CD82: variants seen among roughly 807,000 people sequenced by gnomAD.
The protein encoded by CD82 is CD82 antigen.
Under a neutral mutation model 37.4 loss-of-function variants are expected in CD82, and 36 were observed. The observed-to-expected ratio is 0.96, with a 90% CI of 0.74 to 1.27. CD82 has a LOEUF of 1.27. CD82 is among the 50% of genes most tolerant of loss of function. CD82 has a pLI of 0.00. For synonymous variants in CD82, 158 were observed against 137.4 expected (o/e 1.15, Z -1.05); for missense variants, 340 against 347.0 (o/e 0.98, Z 0.16).
At chr11:44,586,684 A>G (rs1350659890) in intron 1 of CD82, among the ~76,000 whole-genome samples, 1 of 152,188 alleles carries the variant, frequency 6.6e-6, no homozygotes, top group Non-Finnish European at 1.5e-5. Flanking sequence ...ATTTTAAAAA[A>G]TCCTGTCTTA....
chr11:44,594,634 C>T lies in CD82; in HGVS notation c.-20-9C>T. On this transcript the variant is annotated splice_polypyrimidine_tract_variant and intron_variant, in intron 2 of 9. Coordinates refer to ENST00000227155, the MANE Select transcript of CD82 (RefSeq NM_002231.4). ...CCCCTCACTGGCCTGCCTGCCTTCTCTCTTCCAGGAAGCTCCAGGACTGGC... is the reference window on the plus strand; with the variant it reads ...CCCCTCACTGGCCTGCCTGCCTTCTTTCTTCCAGGAAGCTCCAGGACTGGC... 6.3e-7 allele frequency: 1 copy of T among 1,597,150 alleles called. No homozygotes were observed. The highest frequency in any genetic ancestry group is 8.6e-7 in the Non-Finnish European group (1 of 1,164,440).
Position 44,594,692 on chromosome 11 carries a change from A to G in CD82, c.30A>G (p.Lys10=). 2 of 1,614,002 alleles carry G rather than the reference A, an allele frequency of 1.2e-6. No individual in the cohort carries two copies. Among genetic ancestry groups the G allele is most frequent in the Non-Finnish European group, 1.7e-6 (2 of 1,179,916 alleles). The change falls in exon 3 of 10, where the codon AAA becomes AAG. Residue 10 remains lysine, a synonymous_variant. Transcript: ENST00000227155. MGSACIKVT[K]YFLFLFNLIF... is the part of the protein sequence containing the mutation. Reference sequence around the variant, plus strand: ...GCTCAGCCTGTATCAAAGTCACCAAATACTTTCTCTTCCTCTTCAACTTGA... The same window carrying G: ...GCTCAGCCTGTATCAAAGTCACCAAGTACTTTCTCTTCCTCTTCAACTTGA...
chr11:44,615,869 T>G (rs1853556620), intron 7 of CD82, among the ~76,000 whole-genome samples: 1 of 152,192 alleles, frequency 6.6e-6, no homozygotes, highest in African/African-American at 2.4e-5. Flanking sequence ...TGTGTGCCCA[T>G]TAGTTCATGT....
At chr11:44,602,519 C>T (rs541150561) in intron 4 of CD82, among the ~76,000 whole-genome samples, 18 of 152,272 alleles carry the variant, frequency 1.2e-4, no homozygotes, top group Admixed American at 1.2e-3. Context: ...GCTTTAGACC[C>T]ATTTTACAGA....
At position 44,611,641 on chromosome 11, in the gene CD82, G is replaced by A. The variant is rs1281649635; in HGVS notation, c.337-3631G>A. ...AGCGGTCCCTGGGGGGATGGAGGGA[G>A]CTCATGAATGTCTTCTCCTGCTACC... On this transcript the variant is annotated intron_variant, in intron 6 of 9. Transcript: ENST00000227155. Among the ~76,000 whole-genome samples the A allele has an allele frequency of 3.3e-5, 5 of 152,216 alleles. No homozygotes were observed. The East Asian group carries it at 9.6e-4, about 29-fold the overall frequency.
intron 4 of CD82, among the ~76,000 whole-genome samples, chr11:44,603,926 A>C (rs1337582547): frequency 6.6e-6 from 1 of 152,134 alleles, no homozygotes; most frequent in African/African-American, 2.4e-5. Flanking sequence ...CCAATCTTCA[A>C]ATAACCAAGC....
chr11:44,591,251 G>C (rs1448261248), intron 2 of CD82, among the ~76,000 whole-genome samples: 1 of 152,176 alleles, frequency 6.6e-6, no homozygotes, highest in Non-Finnish European at 1.5e-5. Flanking sequence ...AGGCAGCCTG[G>C]GCCCTGTCCT....
intron 6 of CD82, among the ~76,000 whole-genome samples, chr11:44,608,682 T>C (rs1565093133): frequency 6.6e-6 from 1 of 152,258 alleles, no homozygotes; most frequent in Non-Finnish European, 1.5e-5. Flanking sequence ...TTGCAACTAA[T>C]TTGGTGGCAA....
In CD82 at chr11:44,619,826, C is replaced by G. The variant is rs1853637677; in HGVS notation, c.*700C>G. ...AGGGCGTTAGATAAGGCACTCTGGG[C>G]TGTCAGGAGACTGCCTACTGGGTGG... On this transcript the variant is annotated 3_prime_UTR_variant, in exon 10 of 10. Coordinates refer to ENST00000227155, the MANE Select transcript of CD82 (RefSeq NM_002231.4). 1 of 149,928 alleles carries G rather than the reference C, an allele frequency of 6.7e-6. No individual in the cohort carries two copies. The highest frequency in any genetic ancestry group is 6.6e-5 in the Admixed American group (1 of 15,096). The allele number at this position is 149,928 out of a possible 1,614,324, so 9.3% of individuals were successfully genotyped here.
chr11:44,618,929 G>T, intron 9 of CD82, 120 bp from the exon 10 acceptor site: 1 of 942,452 alleles, frequency 1.1e-6, no homozygotes, highest in East Asian at 2.4e-5. Flanking sequence ...TGCATCACAG[G>T]GTGGTTGTGA....
intron 1 of CD82, among the ~76,000 whole-genome samples, chr11:44,583,094 TC>T (rs1388714720): frequency 1.3e-5 from 2 of 152,210 alleles, no homozygotes; most frequent in Non-Finnish European, 2.9e-5. Context: ...CAAAGGCCAT[TC>T]CGGCACTGTG....
intron 1 of CD82, chr11:44,585,010 G>A (rs549413431): frequency 2.0e-5 from 7 of 347,136 alleles, no homozygotes; most frequent in South Asian, 1.5e-4. Context: ...AGCTCCCACG[G>A]GATCGGATGC....
At chr11:44,601,764 C>T (rs1279915126) in intron 4 of CD82, among the ~76,000 whole-genome samples, 1 of 152,188 alleles carries the variant, frequency 6.6e-6, no homozygotes, top group East Asian at 1.9e-4. Context: ...CCCACCCACC[C>T]CAAGGGACCT....
intron 1 of CD82, among the ~76,000 whole-genome samples, chr11:44,567,818 A>T (rs1264004991): frequency 1.3e-5 from 2 of 152,212 alleles, no homozygotes; most frequent in African/African-American, 4.8e-5. Context: ...AGATAAATGA[A>T]AAAAGGATTA....
chr11:44,595,908 CAAAAAAA>C lies in CD82; in HGVS notation c.63+1200_63+1206del, dbSNP rs71449886. Among the ~76,000 whole-genome samples the C allele has an allele frequency of 9.9e-3, 691 of 69,676 alleles. 9 individuals are homozygous for C. Among genetic ancestry groups the C allele is most frequent in the African/African-American group, 0.039 (637 of 16,398 alleles). 45.7% of individuals were successfully genotyped at this position (69,676 alleles called of 152,430 possible). ...AACATAGCAAGACCCTGTTTCTCTA[CAAAAAAA>C]AAAAAAAAAAAAAAAAGAATTTTAA... is the stretch of plus-strand genomic sequence containing the variant. On this transcript the variant is annotated intron_variant, in intron 3 of 9. Transcript: ENST00000227155.
chr11:44,582,106 G>A (rs1221078887), intron 1 of CD82, among the ~76,000 whole-genome samples: 3 of 152,208 alleles, frequency 2.0e-5, no homozygotes, highest in African/African-American at 4.8e-5. Flanking sequence ...GAGTCTTGAG[G>A]GCAGAGCTCA....
intron 1 of CD82, among the ~76,000 whole-genome samples, chr11:44,581,865 C>A (rs1472445641): frequency 6.6e-6 from 1 of 152,184 alleles, no homozygotes. Flanking sequence ...CCCTCTGTGT[C>A]CACCTTCTTC....
intron 7 of CD82, 96 bp downstream of exon 7, chr11:44,615,469 G>A: frequency 4.0e-6 from 3 of 753,584 alleles, no homozygotes; most frequent in Non-Finnish European, 7.0e-6. Flanking sequence ...CATCTGCAGT[G>A]CTCGTGTGTG....
In CD82 at chr11:44,619,225, G is replaced by A. The variant is rs992402871; in HGVS notation, c.*99G>A. 7.4e-5 allele frequency: 71 copies of A among 964,048 alleles called. No individual in the cohort carries two copies. Among genetic ancestry groups the A allele is most frequent in the African/African-American group, 1.4e-4 (9 of 62,560 alleles). 59.7% of individuals were successfully genotyped at this position (964,048 alleles called of 1,614,324 possible). On this transcript the variant is annotated 3_prime_UTR_variant, in exon 10 of 10. Coordinates refer to ENST00000227155, the MANE Select transcript of CD82 (RefSeq NM_002231.4). ...CCAGGCCTGCCTCCCACTTCACTGCGAAGACCCTCTTGCCCATCCTGACTG... is the reference window on the plus strand; with the variant it reads ...CCAGGCCTGCCTCCCACTTCACTGCAAAGACCCTCTTGCCCATCCTGACTG...
Sources: gnomAD v4.1 joint callset for allele counts (sites outside exome capture counted in the v4.1 genomes callset) on GRCh38, gnomAD v4.1.1 for gene constraint, MANE v1.5 for transcripts, NCBI Gene and HGNC (gene_info 2026-07-23, HGNC 2026-07-21) for gene names.